ETV3: variants seen among roughly 807,000 people sequenced by gnomAD.
The protein encoded by ETV3 is ETS variant transcription factor 3.
ETV3 carries 8 observed loss-of-function variants against 33.0 expected under a neutral mutation model. The observed-to-expected ratio is 0.24, with a 90% CI of 0.14 to 0.44. ETV3 has a LOEUF of 0.44. ETV3 is among the 20% of genes least tolerant of loss of function. ETV3 has a pLI of 1.00. For missense variants in ETV3, 473 were observed against 652.3 expected, an observed-to-expected ratio of 0.73 and a Z score of 2.99; for synonymous variants, 222 against 238.9, an observed-to-expected ratio of 0.93 and a Z score of 0.65.
chr1:157,123,463 A>C lies in ETV3; in HGVS notation c.*1378T>G, dbSNP rs1311282534. 2 of 152,270 alleles carry C rather than the reference A, an allele frequency of 1.3e-5. No individual in the cohort carries two copies. Among genetic ancestry groups the C allele is most frequent in the Admixed American group, 1.3e-4 (2 of 15,292 alleles). 9.4% of individuals were successfully genotyped at this position (152,270 alleles called of 1,614,324 possible). ...CATGAGAATCAGAACAATCTGGGCAAATGGGTATGGCAAGAATGGGAACAC... is the reference window on the plus strand; with the variant it reads ...CATGAGAATCAGAACAATCTGGGCACATGGGTATGGCAAGAATGGGAACAC... On this transcript the variant is annotated 3_prime_UTR_variant, in exon 5 of 5. Coordinates refer to ENST00000368192, the MANE Select transcript of ETV3 (RefSeq NM_001145312.3).
At position 157,125,162 on chromosome 1, in the gene ETV3, TTCTTGAGTGTGCTCCTCCTTC is replaced by T; in HGVS notation, c.1197_1217del (p.Lys400_Glu406del). ...TGGTCCTGCTTGGCACAGTGCCCTC[TTCTTGAGTGTGCTCCTCCTTC>T]TCTCGTGCCGACTGCCTGAGGCTCT... On this transcript the variant is annotated inframe_deletion, in exon 5 of 5. Coordinates refer to ENST00000368192, the MANE Select transcript of ETV3 (RefSeq NM_001145312.3). This position sits in a 1 kb window ranked among gnomAD's most constrained non-coding sequence, Gnocchi z 4.0. The T allele has an allele frequency of 6.4e-7, 1 of 1,551,990 alleles. No homozygotes were observed. The highest frequency in any genetic ancestry group is 1.2e-5 in the South Asian group (1 of 84,036).
In ETV3 at chr1:157,122,024, T is replaced by C. The variant is rs977614607; in HGVS notation, c.*2817A>G. 3.3e-5 allele frequency: 5 copies of C among 152,326 alleles called. No homozygotes were observed. In the South Asian group the frequency reaches 8.3e-4, roughly 25 times the overall value. The allele number at this position is 152,326 out of a possible 1,614,324, so 9.4% of individuals were successfully genotyped here. ...AAAAGCAAACTTTACACGAAGAAGC[T>C]CTTGATTAAGGAAATTTCAATAGAT... On this transcript the variant is annotated 3_prime_UTR_variant, in exon 5 of 5. Transcript: ENST00000368192.
At chr1:157,132,733 G>A (rs1195739426) in intron 4 of ETV3, among the ~76,000 whole-genome samples, 1 of 148,706 alleles carries the variant, frequency 6.7e-6, no homozygotes, top group Non-Finnish European at 1.5e-5. Flanking sequence ...TTAGAGAGAT[G>A]CATTCCAATA....
At chr1:157,133,693 T>TTA in intron 4 of ETV3, 1 of 994,582 alleles carries the variant, frequency 1.0e-6, no homozygotes, top group African/African-American at 1.7e-5. Context: ...TGATATTCAC[T>TTA]TGATAAGGGA....
At chr1:157,126,869 A>G (rs1177191336) in intron 4 of ETV3, among the ~76,000 whole-genome samples, 10 of 143,016 alleles carry the variant, frequency 7.0e-5, no homozygotes, top group Non-Finnish European at 1.5e-4. Context: ...GCCCTGGCTG[A>G]CTGTGGGGAG....
At position 157,122,263 on chromosome 1, in the gene ETV3, C is replaced by T. The variant is rs1486620031; in HGVS notation, c.*2578G>A. The T allele has an allele frequency of 6.6e-6, 1 of 152,000 alleles. No individual in the cohort carries two copies. The highest frequency in any genetic ancestry group is 1.9e-4 in the East Asian group (1 of 5,180). 9.4% of individuals were successfully genotyped at this position (152,000 alleles called of 1,614,324 possible). ...AAAAACTATCTCCCACTCTTTTGGC[C>T]CAGGCAATGTCAACGACTTCCACAT... On this transcript the variant is annotated 3_prime_UTR_variant, in exon 5 of 5. Coordinates refer to ENST00000368192, the MANE Select transcript of ETV3 (RefSeq NM_001145312.3).
At chr1:157,129,325 A>G (rs1674918567) in intron 4 of ETV3, among the ~76,000 whole-genome samples, 1 of 152,256 alleles carries the variant, frequency 6.6e-6, no homozygotes, top group East Asian at 1.9e-4. Context: ...GTAGCAAGTT[A>G]AACTTCACTC....
chr1:157,131,005 G>C (rs910344253), intron 4 of ETV3, among the ~76,000 whole-genome samples: 4 of 152,122 alleles, frequency 2.6e-5, no homozygotes, highest in Non-Finnish European at 5.9e-5. Flanking sequence ...AATCTCAAAA[G>C]ATTTAAAAAG....
rs959586942 is a variant in ETV3 at position 157,124,319 on chromosome 1, T to C, written c.*522A>G. On this transcript the variant is annotated 3_prime_UTR_variant, in exon 5 of 5. Transcript: ENST00000368192. ...TCCCCAAGCCCCACCCCAGTAAGTC[T>C]GAGATTATCTTATTCCTTCCCTGAA... The C allele has an allele frequency of 6.7e-6, 1 of 149,964 alleles. No homozygotes were observed. Among genetic ancestry groups the C allele is most frequent in the Non-Finnish European group, 1.5e-5 (1 of 67,668 alleles). 9.3% of individuals were successfully genotyped at this position (149,964 alleles called of 1,614,324 possible).
In ETV3 at chr1:157,126,043, G is replaced by A. The variant is rs141687115; in HGVS notation, c.401-64C>T. 1.6e-4 allele frequency: 217 copies of A among 1,379,122 alleles called. 1 individual carries two copies. In the African/African-American group the frequency reaches 2.6e-3, roughly 17 times the overall value. The allele number at this position is 1,379,122 out of a possible 1,614,324, so 85.4% of individuals were successfully genotyped here. On this transcript the variant is annotated intron_variant, in intron 4 of 4. Coordinates refer to ENST00000368192, the MANE Select transcript of ETV3 (RefSeq NM_001145312.3). The stretch of plus-strand genomic sequence containing the variant: ...CTGCTCATTCATTATCATCACTTAT[G>A]CTAACTAAGTGCAAAATATTTAGTA...
At chr1:157,126,052 G>A (rs1332130077) in intron 4 of ETV3, 73 bp from the exon 5 acceptor site, 19 of 1,324,984 alleles carry the variant, frequency 1.4e-5, no homozygotes, top group Admixed American at 5.5e-5. Flanking sequence ...TGCTAACTAA[G>A]TGCAAAATAT....
intron 4 of ETV3, among the ~76,000 whole-genome samples, chr1:157,129,784 T>C (rs1012719706): frequency 6.6e-6 from 1 of 152,142 alleles, no homozygotes; most frequent in South Asian, 2.1e-4. Flanking sequence ...GAAGGAAGTA[T>C]AATGTGCAGG....
At position 157,122,664 on chromosome 1, in the gene ETV3, AG is replaced by A. The variant is rs1223071192; in HGVS notation, c.*2176del. The stretch of plus-strand genomic sequence containing the variant: ...CCAACACCTGCTAGCTCTCCCCTCT[AG>A]CGGACAGTGGGTGGCCAGCCAGCCT... On this transcript the variant is annotated 3_prime_UTR_variant, in exon 5 of 5. Coordinates refer to ENST00000368192, the MANE Select transcript of ETV3 (RefSeq NM_001145312.3). The A allele has an allele frequency of 6.6e-6, 1 of 152,088 alleles. No homozygotes were observed. Among genetic ancestry groups the A allele is most frequent in the Admixed American group, 6.5e-5 (1 of 15,270 alleles). The allele number at this position is 152,088 out of a possible 1,614,324, so 9.4% of individuals were successfully genotyped here.
At chr1:157,136,168 A>G (rs1675104731) in intron 2 of ETV3, 139 bp downstream of exon 2, 1 of 824,598 alleles carries the variant, frequency 1.2e-6, no homozygotes, top group Non-Finnish European at 2.1e-6. Flanking sequence ...AAACAAGCCT[A>G]CAACTGTCCT....
At chr1:157,127,105 C>T (rs1172344535) in intron 4 of ETV3, among the ~76,000 whole-genome samples, 5 of 152,252 alleles carry the variant, frequency 3.3e-5, no homozygotes, top group African/African-American at 1.2e-4. Flanking sequence ...TTCCTGGATG[C>T]ACCGCTTCGC....
At chr1:157,129,359 AGACT>A (rs1243822110) in intron 4 of ETV3, among the ~76,000 whole-genome samples, 1 of 152,274 alleles carries the variant, frequency 6.6e-6, no homozygotes, top group Non-Finnish European at 1.5e-5. Flanking sequence ...CATCTAATTC[AGACT>A]AAGTTATAAT....
At chr1:157,135,333 C>T (rs1675073457) in intron 3 of ETV3, 138 bp downstream of exon 3, 4 of 1,048,642 alleles carry the variant, frequency 3.8e-6, no homozygotes, top group Non-Finnish European at 5.6e-6. Context: ...AGCTCTTCTA[C>T]TCCCACTTTA....
intron 1 of ETV3, among the ~76,000 whole-genome samples, chr1:157,137,546 A>T (rs1330889034): frequency 4.7e-5 from 7 of 149,556 alleles, no homozygotes; most frequent in African/African-American, 7.4e-5. Context: ...ACACACTCTC[A>T]CACACACACG....
rs35010936 is a variant in ETV3 at position 157,134,124 on chromosome 1, T to C, written c.388A>G (p.Ile130Val). The C allele has an allele frequency of 2.7e-5, 44 of 1,613,848 alleles. No individual in the cohort carries two copies. In the African/African-American group the frequency reaches 4.7e-4, roughly 17 times the overall value. ...LVMPNYPFIN[I>V]RSSGVVPQSA... ...GTTTGTATCTTACCACTTGACCGAA[T>C]GTTGATGAATGGGTAGTTGGGCATC... The change falls in exon 4 of 5, where the codon ATT (isoleucine) becomes GTT (valine). Residue 130 changes from isoleucine to valine, a missense_variant. Physicochemically the swap from Ile to Val is conservative, Grantham distance 29. Around this residue, in one of 3 missense-constraint regions of ETV3, gnomAD observed 410 missense variants for 520.2 expected, o/e 0.79. Coordinates refer to ENST00000368192, the MANE Select transcript of ETV3 (RefSeq NM_001145312.3).
Sources: allele counts gnomAD v4.1 joint callset (sites outside exome capture counted in the v4.1 genomes callset), GRCh38; gene constraint gnomAD v4.1.1; regional missense constraint gnomAD v4.1.1; non-coding constraint Gnocchi (gnomAD v3.1); transcripts MANE v1.5; gene names NCBI Gene and HGNC (gene_info 2026-07-23, HGNC 2026-07-21).